The following GDF1 variants were observed in gnomAD, a reference collection of about 807,000 sequenced individuals.
GDF1 encodes growth differentiation factor 1.
GDF1 carries 8 observed loss-of-function variants against 7.4 expected under a neutral mutation model. That is an observed-to-expected ratio of 1.09 (90% CI 0.64 to 1.96). GDF1 has a LOEUF of 1.96. GDF1 is among the 30% of genes most tolerant of loss of function. GDF1 has a pLI of 0.00. For synonymous variants in GDF1, 311 were observed against 276.7 expected, an observed-to-expected ratio of 1.12 and a Z score of -1.23; for missense variants, 574 against 551.5, an observed-to-expected ratio of 1.04 and a Z score of -0.41.
At chr19:18,891,111 G>A (rs1284364278) in intron 2 of GDF1, among the ~76,000 whole-genome samples, 1 of 150,226 alleles carries the variant, frequency 6.7e-6, no homozygotes, top group African/African-American at 2.4e-5. Context: ...GTGACAGAGT[G>A]AGACTGTCTC....
Position 18,884,113 on chromosome 19 carries a change from G to A in GDF1, c.-759C>T, listed in dbSNP as rs771648489. Reference sequence around the variant, plus strand: ...GGAAGGCGTAGGAGGAGACGATGAGGATGAGAGTGACCACGTGGTGGAGCA... The same window carrying A: ...GGAAGGCGTAGGAGGAGACGATGAGAATGAGAGTGACCACGTGGTGGAGCA... On this transcript the variant is annotated 5_prime_UTR_variant, in exon 3 of 8. Coordinates refer to ENST00000247005, the MANE Select transcript of GDF1 (RefSeq NM_001492.6). The A allele has an allele frequency of 1.2e-6, 2 of 1,613,538 alleles. No homozygotes were observed. The highest frequency in any genetic ancestry group is 2.7e-5 in the African/African-American group (2 of 74,938).
At chr19:18,872,213 CTTG>C (rs1406207139) in intron 6 of GDF1, among the ~76,000 whole-genome samples, 2 of 152,208 alleles carry the variant, frequency 1.3e-5, no homozygotes, top group African/African-American at 4.8e-5. Flanking sequence ...CCTGCTGATT[CTTG>C]TTTGTTTTTT....
At chr19:18,883,763 TG>T (rs1314831234) in intron 3 of GDF1, among the ~76,000 whole-genome samples, 1 of 151,740 alleles carries the variant, frequency 6.6e-6, no homozygotes, top group Admixed American at 6.6e-5. Context: ...CAGGAACTCC[TG>T]GGTGTGTGAC....
intron 1 of GDF1, 45 bp from the exon 2 acceptor site, chr19:18,893,620 A>G: frequency 6.4e-7 from 1 of 1,566,280 alleles, no homozygotes; most frequent in Middle Eastern, 2.1e-4. Context: ...GCTGGGGGCC[A>G]GAGACTGCTC....
chr19:18,890,114 C>T (rs896685060), intron 2 of GDF1, among the ~76,000 whole-genome samples: 22 of 152,176 alleles, frequency 1.4e-4, no homozygotes, highest in Admixed American at 1.1e-3. Flanking sequence ...CCGTGGCCTC[C>T]GAGGCCTGGA....
At chr19:18,894,246 G>A (rs1481141011) in intron 1 of GDF1, among the ~76,000 whole-genome samples, 3 of 151,278 alleles carry the variant, frequency 2.0e-5, no homozygotes, top group Non-Finnish European at 4.4e-5. Flanking sequence ...TGGGGAGTGC[G>A]GTGGGTGGGT....
At chr19:18,882,488 C>A (rs1381849704) in intron 3 of GDF1, among the ~76,000 whole-genome samples, 1 of 151,402 alleles carries the variant, frequency 6.6e-6, no homozygotes, top group African/African-American at 2.4e-5. Flanking sequence ...TAATAATTAG[C>A]CGGTGTGATG....
chr19:18,895,874 C>G lies in GDF1; in HGVS notation c.-1124G>C, dbSNP rs1350677632. 7.8e-7 allele frequency: 1 copy of G among 1,284,582 alleles called. No individual in the cohort carries two copies. The highest frequency in any genetic ancestry group is 9.8e-7 in the Non-Finnish European group (1 of 1,016,842). 79.6% of individuals were successfully genotyped at this position (1,284,582 alleles called of 1,614,324 possible). On this transcript the variant is annotated 5_prime_UTR_variant, in exon 1 of 8. Transcript: ENST00000247005. The surrounding 1 kb of genome is among the most constrained non-coding windows in gnomAD (Gnocchi z 6.4). ...GAGCGCAGGGCGGTCCAGCCCAGCG[C>G]GCCGAGCGCCAGCAGCAGCAGCTCG...
In GDF1 at chr19:18,868,939, C is replaced by A; in HGVS notation, c.777G>T (p.Leu259Phe). The part of the protein sequence containing the change: ...ARPRRDAEPV[L>F]GGGPGGACRA... ...GACAAGCGCCCCCGGGGCCGCCGCC[C>A]AACACGGGTTCGGCGTCGCGCCGCG... Residue 259 changes from leucine to phenylalanine, a missense_variant, in exon 8 of 8, where the codon TTG becomes TTT. Transcript: ENST00000247005. 1 of 1,279,578 alleles carries A rather than the reference C, an allele frequency of 7.8e-7. No homozygotes were observed. The highest frequency in any genetic ancestry group is 1.6e-5 in the South Asian group (1 of 60,916). 79.3% of individuals were successfully genotyped at this position (1,279,578 alleles called of 1,614,324 possible). A position where few individuals can be genotyped will look rare whatever the true frequency, so the allele number is the denominator to read the frequency against.
intron 6 of GDF1, among the ~76,000 whole-genome samples, chr19:18,872,496 C>CA (rs1479609762): frequency 1.3e-5 from 2 of 151,018 alleles, no homozygotes; most frequent in Non-Finnish European, 3.0e-5. Context: ...TACAGGCATG[C>CA]AACACCATGC....
intron 4 of GDF1, 26 bp from the exon 5 acceptor site, chr19:18,879,414 G>T (rs781448781): frequency 6.4e-7 from 1 of 1,551,558 alleles, no homozygotes; most frequent in East Asian, 2.4e-5. Flanking sequence ...TCAGGAGGCC[G>T]TGGGTGGAGG....
At position 18,878,253 on chromosome 19, in the gene GDF1, G is replaced by C. The variant is rs1395349480; in HGVS notation, c.-313+677C>G. ...TATGAGACACTGCACACCCGACTCT[G>C]CTTGTTACCCAGTTTGGCCTCCGTT... On this transcript the variant is annotated intron_variant, in intron 6 of 7. Coordinates refer to ENST00000247005, the MANE Select transcript of GDF1 (RefSeq NM_001492.6). The surrounding 1 kb of genome is among the most constrained non-coding windows in gnomAD (Gnocchi z 4.6). The C allele has an allele frequency of 1.0e-6, 1 of 985,620 alleles. No homozygotes were observed. The highest frequency in any genetic ancestry group is 1.7e-5 in the African/African-American group (1 of 57,148). The allele number at this position is 985,620 out of a possible 1,614,324, so 61.1% of individuals were successfully genotyped here.
chr19:18,870,249 A>G lies in GDF1; in HGVS notation c.59T>C (p.Leu20Pro). Residue 20 changes from leucine (L) to proline (P), a missense_variant, in exon 7 of 8, where the codon CTG becomes CCG. Transcript: ENST00000247005. The surrounding 1 kb of genome is among the most constrained non-coding windows in gnomAD (Gnocchi z 5.1). ...GCGGGTCAGGGGCAGCGAGGGCAGC[A>G]GCAGGGCCAGGAGGAGGAGGAGGTG... ...GHHLLLLLAL[L>P]LPSLPLTRAP... 6.4e-7 allele frequency: 1 copy of G among 1,551,310 alleles called. No homozygotes were observed. Among genetic ancestry groups the G allele is most frequent in the Non-Finnish European group, 8.7e-7 (1 of 1,151,228 alleles).
chr19:18,885,952 C>T (rs2056346314), intron 2 of GDF1, among the ~76,000 whole-genome samples: 1 of 152,192 alleles, frequency 6.6e-6, no homozygotes, highest in South Asian at 2.1e-4. Context: ...AGCGCAGGGT[C>T]TCCCGCCAAG....
At chr19:18,894,775 T>C (rs1188451079) in intron 1 of GDF1, among the ~76,000 whole-genome samples, 1 of 150,034 alleles carries the variant, frequency 6.7e-6, no homozygotes, top group Non-Finnish European at 1.5e-5. Context: ...GTGGGGAGAG[T>C]GGCAGTCAGA....
chr19:18,875,201 G>A (rs998819991), intron 6 of GDF1, among the ~76,000 whole-genome samples: 46 of 150,736 alleles, frequency 3.1e-4, no homozygotes, highest in Admixed American at 2.6e-3. Context: ...GAGCCAGTGC[G>A]CTCCAGCGTG....
In GDF1 at chr19:18,877,871, C is replaced by T. The variant is rs575601080; in HGVS notation, c.-313+1059G>A. 3.1e-4 allele frequency: 223 copies of T among 713,860 alleles called. No individual in the cohort carries two copies. In the African/African-American group the frequency reaches 4.1e-3, roughly 13 times the overall value. The allele number at this position is 713,860 out of a possible 1,614,324, so 44.2% of individuals were successfully genotyped here. A position where few individuals can be genotyped will look rare whatever the true frequency, so the allele number is the denominator to read the frequency against. ...GCCAGAACCCATGTGACCCTCTGCC[C>T]CAATCCCATCTCAGTCAATACCAGC... On this transcript the variant is annotated intron_variant, in intron 6 of 7. Transcript: ENST00000247005.
rs1288209989 is a variant in GDF1 at position 18,869,062 on chromosome 19, C to G, written c.654G>C (p.Ala218=). The change falls in exon 8 of 8, where the codon GCG becomes GCC. Residue 218 remains alanine (A), a synonymous_variant. Transcript: ENST00000247005. ...SWPRSLRLAL[A]LRPRAPAACA... is the part of the protein sequence containing the mutation. The stretch of plus-strand genomic sequence containing the variant: ...AGGCGGCAGGGGCCCGGGGGCGTAG[C>G]GCCAGCGCCAGGCGGAGGCTGCGCG... 9.4e-7 allele frequency: 1 copy of G among 1,059,674 alleles called. No individual in the cohort carries two copies. The highest frequency in any genetic ancestry group is 1.7e-5 in the African/African-American group (1 of 58,290). The allele number at this position is 1,059,674 out of a possible 1,614,324, so 65.6% of individuals were successfully genotyped here.
chr19:18,876,536 T>TTGTGTGTGTGTGTGTG (rs60266196), intron 6 of GDF1, among the ~76,000 whole-genome samples: 50 of 143,274 alleles, frequency 3.5e-4, no homozygotes, highest in African/African-American at 8.5e-4. Context: ...TTTGATTGGG[T>TTGTGTGTGTGTGTGTG]TGTGTGTGTG....
Sources: allele counts gnomAD v4.1 joint callset (sites outside exome capture counted in the v4.1 genomes callset), GRCh38; gene constraint gnomAD v4.1.1; non-coding constraint Gnocchi (gnomAD v3.1); transcripts MANE v1.5; gene names NCBI Gene and HGNC (gene_info 2026-07-23, HGNC 2026-07-21).